Variants in FAM241A observed in about 807,000 individuals in gnomAD.
FAM241A encodes family with sequence similarity 241 member A.
A neutral mutation model predicts 12.2 loss-of-function variants in FAM241A; 7 were observed. That is an observed-to-expected ratio of 0.58 (90% CI 0.33 to 1.08). FAM241A has a LOEUF of 1.08. Among genes scored for constraint, FAM241A ranks in the 50% least tolerant of loss-of-function variants. The probability of loss-of-function intolerance (pLI) is 0.04; values close to 1 mark genes in which losing one functional copy is unlikely to be tolerated. For missense variants in FAM241A, 161 were observed against 169.7 expected (o/e 0.95, Z 0.29); for synonymous variants, 74 against 68.2 (o/e 1.08, Z -0.42).
chr4:112,185,100 ATAAAT>A (rs1724012897), intron 1 of FAM241A, among the ~76,000 whole-genome samples: 1 of 152,114 alleles, frequency 6.6e-6, no homozygotes, highest in African/African-American at 2.4e-5. Flanking sequence ...TAAACGTATA[ATAAAT>A]TCTCCATCAT....
intron 1 of FAM241A, among the ~76,000 whole-genome samples, chr4:112,150,314 G>T (rs1021894785): frequency 2.6e-5 from 4 of 151,882 alleles, no homozygotes; most frequent in African/African-American, 9.7e-5. Context: ...ATATTTTGTT[G>T]GTGGTTTCTA....
Position 112,187,179 on chromosome 4 carries a change from C to T in FAM241A, c.*241C>T. Reference sequence around the variant, plus strand: ...AACTCTTGTTTCACTACTGTGATCTCTGTCTCCTTTATACACCTCTATCCC... The same window carrying T: ...AACTCTTGTTTCACTACTGTGATCTTTGTCTCCTTTATACACCTCTATCCC... On this transcript the variant is annotated 3_prime_UTR_variant, in exon 2 of 2. Coordinates refer to ENST00000309733, the MANE Select transcript of FAM241A (RefSeq NM_152400.3). The T allele has an allele frequency of 2.1e-6, 1 of 474,938 alleles. No homozygotes were observed. The highest frequency in any genetic ancestry group is 2.8e-5 in the South Asian group (1 of 35,828). The allele number at this position is 474,938 out of a possible 1,614,324, so 29.4% of individuals were successfully genotyped here.
chr4:112,182,958 CTT>C (rs200053226), intron 1 of FAM241A, among the ~76,000 whole-genome samples: 9 of 143,524 alleles, frequency 6.3e-5, no homozygotes, highest in Admixed American at 2.1e-4. Context: ...TTTCCACGTT[CTT>C]TTTTTTTTTT....
At chr4:112,172,653 A>G (rs1723747417) in intron 1 of FAM241A, among the ~76,000 whole-genome samples, 1 of 152,190 alleles carries the variant, frequency 6.6e-6, no homozygotes, top group South Asian at 2.1e-4. Flanking sequence ...GTATTTGTTT[A>G]TAAATGTTAA....
intron 1 of FAM241A, among the ~76,000 whole-genome samples, chr4:112,167,113 CAA>C (rs1216781434): frequency 3.5e-5 from 3 of 86,192 alleles, no homozygotes; most frequent in Non-Finnish European, 2.5e-5. Context: ...GACTCCGTCT[CAA>C]AAAAAAAAAA....
At chr4:112,184,463 G>T (rs57912574) in intron 1 of FAM241A, among the ~76,000 whole-genome samples, 13,451 of 152,202 alleles carry the variant, frequency 0.088, 709 homozygotes, top group South Asian at 0.13. Flanking sequence ...GTGAGGTGGA[G>T]TTTGCAGTGA....
chr4:112,176,227 A>G (rs1723818130), intron 1 of FAM241A, among the ~76,000 whole-genome samples: 1 of 152,244 alleles, frequency 6.6e-6, no homozygotes, highest in South Asian at 2.1e-4. Flanking sequence ...CATGAGAAAG[A>G]TAATCACTAA....
rs1723113424 is a variant in FAM241A, at chr4:112,145,502, C to G, written c.-79C>G. 4 of 1,181,124 alleles carry G rather than the reference C, an allele frequency of 3.4e-6. No individual in the cohort carries two copies. Among genetic ancestry groups the G allele is most frequent in the Non-Finnish European group, 4.2e-6 (4 of 950,926 alleles). 73.2% of individuals were successfully genotyped at this position (1,181,124 alleles called of 1,614,324 possible). A position where few individuals can be genotyped will look rare whatever the true frequency, so the allele number is the denominator to read the frequency against. On this transcript the variant is annotated 5_prime_UTR_variant, in exon 1 of 2. Coordinates refer to ENST00000309733, the MANE Select transcript of FAM241A (RefSeq NM_152400.3). Reference sequence around the variant, plus strand: ...CGGGTGCGGCGGATCCCAGGGCAGCCTTCGGGCGGCGGCGCTGCCTGGTGC... The same window carrying G: ...CGGGTGCGGCGGATCCCAGGGCAGCGTTCGGGCGGCGGCGCTGCCTGGTGC...
chr4:112,151,622 A>G lies in FAM241A; in HGVS notation c.153+5889A>G, dbSNP rs139498119. On this transcript the variant is annotated intron_variant, in intron 1 of 1. Coordinates refer to ENST00000309733, the MANE Select transcript of FAM241A (RefSeq NM_152400.3). Reference sequence around the variant, plus strand: ...CCATGGACCACATTTTGGCAAGGGAATGGAGAATAAGCAAGTCAATATACT... The same window carrying G: ...CCATGGACCACATTTTGGCAAGGGAGTGGAGAATAAGCAAGTCAATATACT... Among the ~76,000 whole-genome samples, 76 of 152,338 alleles carry G rather than the reference A, an allele frequency of 5.0e-4. No homozygotes were observed. The East Asian group carries it at 0.012, about 24-fold the overall frequency.
chr4:112,171,328 A>C, intron 1 of FAM241A: 2 of 753,364 alleles, frequency 2.7e-6, no homozygotes, highest in Non-Finnish European at 4.8e-6. Context: ...GCCCAGGGAA[A>C]GCGGTGTTAC....
chr4:112,163,281 A>AT (rs1490936412), intron 1 of FAM241A, among the ~76,000 whole-genome samples: 1 of 152,248 alleles, frequency 6.6e-6, no homozygotes, highest in African/African-American at 2.4e-5. Flanking sequence ...ACCAGAAGCA[A>AT]TGGCAACAAA....
chr4:112,168,707 C>T (rs570583735), intron 1 of FAM241A, among the ~76,000 whole-genome samples: 14 of 151,942 alleles, frequency 9.2e-5, no homozygotes, highest in Non-Finnish European at 2.1e-4. Context: ...TGTTGTTGCC[C>T]AGGCTGGAGT....
intron 1 of FAM241A, among the ~76,000 whole-genome samples, chr4:112,182,996 C>T (rs1264350110): frequency 6.6e-6 from 1 of 151,558 alleles, no homozygotes; most frequent in African/African-American, 2.4e-5. Flanking sequence ...GAAACTGACA[C>T]CCTTTCCACA....
At chr4:112,172,589 T>TG (rs1723746439) in intron 1 of FAM241A, among the ~76,000 whole-genome samples, 1 of 152,228 alleles carries the variant, frequency 6.6e-6, no homozygotes. Context: ...TTGAACTAAA[T>TG]GCCAAGCATT....
intron 1 of FAM241A, among the ~76,000 whole-genome samples, chr4:112,165,720 T>C (rs1054414909): frequency 6.6e-6 from 1 of 151,988 alleles, no homozygotes; most frequent in Non-Finnish European, 1.5e-5. Flanking sequence ...ATTGAACTCA[T>C]GAAGGTAGAG....
At chr4:112,163,176 T>C (rs990638408) in intron 1 of FAM241A, among the ~76,000 whole-genome samples, 2 of 152,214 alleles carry the variant, frequency 1.3e-5, no homozygotes, top group Non-Finnish European at 2.9e-5. Context: ...GATTAAAGAC[T>C]TAAATATTAG....
intron 1 of FAM241A, among the ~76,000 whole-genome samples, chr4:112,176,180 T>C (rs1344506277): frequency 1.3e-5 from 2 of 152,164 alleles, no homozygotes; most frequent in African/African-American, 4.8e-5. Flanking sequence ...AATTAAATTG[T>C]CGTAACACTT....
intron 1 of FAM241A, among the ~76,000 whole-genome samples, chr4:112,181,543 G>T (rs559749350): frequency 2.6e-5 from 4 of 152,226 alleles, no homozygotes; most frequent in African/African-American, 4.8e-5. Context: ...GAAGTTTATA[G>T]TACAGGTAGA....
intron 1 of FAM241A, among the ~76,000 whole-genome samples, chr4:112,173,897 A>G (rs1041708200): frequency 3.9e-5 from 6 of 152,254 alleles, no homozygotes; most frequent in Admixed American, 6.5e-5. Context: ...TCCTCAGCAA[A>G]GCAGCAATTT....
Sources: gnomAD v4.1 joint callset for allele counts (sites outside exome capture counted in the v4.1 genomes callset) on GRCh38, gnomAD v4.1.1 for gene constraint, MANE v1.5 for transcripts, NCBI Gene and HGNC (gene_info 2026-07-23, HGNC 2026-07-21) for gene names.